The following IPO11 variants were observed in gnomAD, a reference collection of about 807,000 sequenced individuals.
The protein encoded by IPO11 is importin-11.
A neutral mutation model predicts 143.2 loss-of-function variants in IPO11; 66 were observed. The ratio of observed to expected loss-of-function variants is 0.46; its 90% confidence interval spans 0.38 to 0.57. The LOEUF (loss-of-function observed/expected upper bound fraction) is 0.57, where lower values mean the gene tolerates loss of function less well. Among genes scored for constraint, IPO11 ranks in the 20% least tolerant of loss-of-function variants. The probability of loss-of-function intolerance (pLI) is 0.00; values close to 1 mark genes in which losing one functional copy is unlikely to be tolerated. For synonymous variants in IPO11, 385 were observed against 377.8 expected, an observed-to-expected ratio of 1.02 and a Z score of -0.22; for missense variants, 1,026 against 1,141.0, an observed-to-expected ratio of 0.90 and a Z score of 1.45.
At chr5:62,599,040 A>G (rs571032011) in intron 28 of IPO11, among the ~76,000 whole-genome samples, 2 of 152,316 alleles carry the variant, frequency 1.3e-5, no homozygotes, top group African/African-American at 4.8e-5. Context: ...TAGCATCAAC[A>G]TGACGGAGGA....
At chr5:62,413,845 T>G (rs1397985088) in intron 1 of IPO11, among the ~76,000 whole-genome samples, 1 of 152,242 alleles carries the variant, frequency 6.6e-6, no homozygotes, top group Non-Finnish European at 1.5e-5. Flanking sequence ...AGCTTCAGAT[T>G]AAGGGCAGGG....
At position 62,435,726 on chromosome 5, in the gene IPO11, A is replaced by G. The variant is rs563981945; in HGVS notation, c.-6-1548A>G. 2.0e-5 allele frequency among the ~76,000 whole-genome samples: 3 copies of G among 148,146 alleles called. No individual in the cohort carries two copies. The East Asian group carries it at 5.9e-4, about 29-fold the overall frequency. ...GGCAACAGAGCAAGACTCTGTCTCA[A>G]AAAAAAAAAAATCTCAATCTGGCCG... On this transcript the variant is annotated intron_variant, in intron 1 of 29. Coordinates refer to ENST00000325324, the MANE Select transcript of IPO11 (RefSeq NM_016338.5).
intron 16 of IPO11, among the ~76,000 whole-genome samples, chr5:62,503,794 T>C (rs889430309): frequency 6.6e-6 from 1 of 152,180 alleles, no homozygotes; most frequent in Admixed American, 6.5e-5. Context: ...GCTAATTGCA[T>C]CTCAAGACCT....
At chr5:62,540,758 T>TAC (rs1280750000) in intron 24 of IPO11, among the ~76,000 whole-genome samples, 1 of 152,194 alleles carries the variant, frequency 6.6e-6, no homozygotes, top group Non-Finnish European at 1.5e-5. Context: ...TACTTGAGCT[T>TAC]ATATATATAA....
intron 27 of IPO11, among the ~76,000 whole-genome samples, chr5:62,568,282 T>C (rs528352994): frequency 2.6e-5 from 4 of 151,860 alleles, no homozygotes; most frequent in African/African-American, 9.7e-5. Flanking sequence ...TTTTCAAATA[T>C]TCTGTCTTCT....
intron 22 of IPO11, 87 bp downstream of exon 22, chr5:62,530,872 A>G (rs1361529072): frequency 2.0e-6 from 2 of 1,006,798 alleles, no homozygotes; most frequent in African/African-American, 3.2e-5. Flanking sequence ...GCATTACAAC[A>G]AAGTTGTAAG....
rs115093300 is a variant in IPO11, at chr5:62,578,352, A to G, written c.2583-13225A>G. Among the ~76,000 whole-genome samples the G allele has an allele frequency of 5.0e-3, 767 of 152,192 alleles. 7 individuals are homozygous for G. The highest frequency in any genetic ancestry group is 0.017 in the African/African-American group (722 of 41,568). ...CTAAATTTTTTCCCCTATTTTTATT[A>G]AAGGAATAAAGCATAAAGTTTAAGT... On this transcript the variant is annotated intron_variant, in intron 27 of 29. Transcript: ENST00000325324.
chr5:62,472,780 C>T (rs570240698), intron 7 of IPO11, among the ~76,000 whole-genome samples: 11 of 152,186 alleles, frequency 7.2e-5, no homozygotes, highest in East Asian at 1.9e-4. Flanking sequence ...CCACCCGCCT[C>T]GGCCTCCCAA....
intron 27 of IPO11, among the ~76,000 whole-genome samples, chr5:62,566,870 T>A (rs1047658158): frequency 6.6e-6 from 1 of 152,008 alleles, no homozygotes; most frequent in Non-Finnish European, 1.5e-5. Flanking sequence ...GTATATATAT[T>A]TTTTAGTGGC....
intron 1 of IPO11, among the ~76,000 whole-genome samples, chr5:62,435,128 ATATATATG>A (rs1447530401): frequency 0.011 from 966 of 86,014 alleles, 71 homozygotes; most frequent in African/African-American, 0.02. Flanking sequence ...GTATATATGT[ATATATATG>A]TATATATGTA....
intron 6 of IPO11, among the ~76,000 whole-genome samples, chr5:62,468,556 A>T (rs1033106854): frequency 6.6e-6 from 1 of 152,352 alleles, no homozygotes; most frequent in Non-Finnish European, 1.5e-5. Flanking sequence ...TTGGAGAGAA[A>T]TGTTTGCTCA....
intron 1 of IPO11, among the ~76,000 whole-genome samples, chr5:62,415,237 C>T (rs1212797360): frequency 1.3e-5 from 2 of 152,094 alleles, no homozygotes; most frequent in African/African-American, 4.8e-5. Context: ...GATCTCTGCT[C>T]ACTGCATCTT....
intron 29 of IPO11, among the ~76,000 whole-genome samples, chr5:62,612,023 T>A (rs890892505): frequency 6.6e-6 from 1 of 152,126 alleles, no homozygotes; most frequent in East Asian, 1.9e-4. Context: ...ATGAATGATA[T>A]GTTGTGAAAT....
rs76200429 is a variant in IPO11 at position 62,561,595 on chromosome 5, T to G, written c.2582+338T>G. Among the ~76,000 whole-genome samples the G allele has an allele frequency of 7.2e-3, 1,100 of 152,310 alleles. 12 individuals carry two copies. The highest frequency in any genetic ancestry group is 0.025 in the African/African-American group (1,034 of 41,570). ...CATAGATATATTAAATATCTAACAT[T>G]TCAAAGTCAATAGCACTTCATAAAG... On this transcript the variant is annotated intron_variant, in intron 27 of 29. Coordinates refer to ENST00000325324, the MANE Select transcript of IPO11 (RefSeq NM_016338.5).
chr5:62,444,727 G>A (rs1744653252), intron 3 of IPO11, among the ~76,000 whole-genome samples: 1 of 151,974 alleles, frequency 6.6e-6, no homozygotes, highest in South Asian at 2.1e-4. Context: ...AAATTAGCCA[G>A]GTGTGGTGGC....
intron 28 of IPO11, among the ~76,000 whole-genome samples, chr5:62,598,565 T>TGAG (rs770605911): frequency 0.71 from 28,883 of 40,924 alleles, 11,699 homozygotes; most frequent in African/African-American, 0.92. Flanking sequence ...TTTTTTTTTT[T>TGAG]ATGGAGTCTT....
At chr5:62,598,480 C>CTT (rs1745343164) in intron 28 of IPO11, among the ~76,000 whole-genome samples, 2 of 3,330 alleles carry the variant, frequency 6.0e-4, no homozygotes, top group East Asian at 7.9e-3. Context: ...CTCTCTCTCT[C>CTT]TCTCTCTCTC....
intron 29 of IPO11, among the ~76,000 whole-genome samples, chr5:62,609,780 C>T (rs1164750768): frequency 6.6e-6 from 1 of 152,176 alleles, no homozygotes; most frequent in African/African-American, 2.4e-5. Context: ...TAGTTGGTGT[C>T]CCCAGGGGTC....
At position 62,449,910 on chromosome 5, in the gene IPO11, CTT is replaced by C. The variant is rs11329383; in HGVS notation, c.240-6_240-5del. On this transcript the variant is annotated splice_polypyrimidine_tract_variant and intron_variant, in intron 3 of 29. Coordinates refer to ENST00000325324, the MANE Select transcript of IPO11 (RefSeq NM_016338.5). ...GTGGCATTCTTTTGCATAATCAATA[CTT>C]TTTTTTTTTTACAGTGCTCTCTCAG... The C allele has an allele frequency of 0.02, 23,923 of 1,201,920 alleles. No homozygotes were observed. Among genetic ancestry groups the C allele is most frequent in the South Asian group, 0.035 (1,997 of 57,438 alleles). 74.5% of individuals were successfully genotyped at this position (1,201,920 alleles called of 1,614,324 possible).
Sources: gnomAD v4.1 joint callset for allele counts (sites outside exome capture counted in the v4.1 genomes callset) on GRCh38, gnomAD v4.1.1 for gene constraint, MANE v1.5 for transcripts, NCBI Gene and HGNC (gene_info 2026-07-23, HGNC 2026-07-21) for gene names.